SRGAP3: variants seen among roughly 807,000 people sequenced by gnomAD.
The protein encoded by SRGAP3 is SLIT-ROBO Rho GTPase-activating protein 3.
In SRGAP3, 39 loss-of-function variants were observed where a neutral mutation model predicts 121.1. The ratio of observed to expected loss-of-function variants is 0.32; its 90% CI spans 0.25 to 0.42. SRGAP3 has a LOEUF of 0.42. SRGAP3 is among the 10% of genes least tolerant of loss of function. SRGAP3 has a pLI of 1.00. For synonymous variants in SRGAP3, 601 were observed against 570.0 expected (o/e 1.05, Z -0.77); for missense variants, 1,213 against 1,470.6 (o/e 0.82, Z 2.86).
chr3:9,164,510 G>A (rs1450826129), intron 1 of SRGAP3, among the ~76,000 whole-genome samples: 1 of 151,806 alleles, frequency 6.6e-6, no homozygotes, highest in Non-Finnish European at 1.5e-5. Context: ...GGCTGGTCTC[G>A]AACTCCTGAC....
intron 14 of SRGAP3, among the ~76,000 whole-genome samples, chr3:9,022,923 G>A (rs1943997562): frequency 6.6e-6 from 1 of 152,212 alleles, no homozygotes; most frequent in African/African-American, 2.4e-5. Flanking sequence ...GGCAACCCAA[G>A]GCTTGTTAGG....
In SRGAP3 at chr3:9,240,795, G is replaced by A. The variant is rs191079781; in HGVS notation, c.67+8090C>T. ...GGTGGTGGACTGGGCTGGCTGGTGAGAGGTAGCTCTGGCAGCCTGCATCAC... is the reference window on the plus strand; with the variant it reads ...GGTGGTGGACTGGGCTGGCTGGTGAAAGGTAGCTCTGGCAGCCTGCATCAC... On this transcript the variant is annotated intron_variant, in intron 1 of 21. Transcript: ENST00000383836. Among the ~76,000 whole-genome samples, 178 of 152,330 alleles carry A rather than the reference G, an allele frequency of 1.2e-3. 1 individual carries two copies. Among genetic ancestry groups the A allele is most frequent in the African/African-American group, 3.8e-3 (156 of 41,576 alleles).
chr3:9,046,157 A>G (rs970805343), intron 10 of SRGAP3, among the ~76,000 whole-genome samples: 8 of 150,602 alleles, frequency 5.3e-5, no homozygotes, highest in Non-Finnish European at 1.2e-4. Flanking sequence ...TCTACCCCCA[A>G]GTATAACCAC....
At chr3:9,251,433 G>A (rs1308127082), upstream of SRGAP3, among the ~76,000 whole-genome samples, 1 of 152,154 alleles carries the variant, frequency 6.6e-6, no homozygotes, top group East Asian at 1.9e-4. Context: ...CACGTTACCT[G>A]AGAAAGATGG....
chr3:9,317,053 G>A (rs568591963), intron 3 of SRGAP3, among the ~76,000 whole-genome samples: 4 of 152,236 alleles, frequency 2.6e-5, no homozygotes, highest in East Asian at 3.9e-4. Context: ...CAAGTGGACC[G>A]CAACAGGGCA....
At chr3:9,091,977 C>T (rs904274256) in intron 3 of SRGAP3, among the ~76,000 whole-genome samples, 2 of 152,114 alleles carry the variant, frequency 1.3e-5, no homozygotes, top group Admixed American at 6.5e-5. Flanking sequence ...CCTACTGTTG[C>T]CAGGGCTGGT....
chr3:9,187,496 C>G (rs1040170314), intron 1 of SRGAP3, among the ~76,000 whole-genome samples: 6 of 152,178 alleles, frequency 3.9e-5, no homozygotes, highest in Admixed American at 2.0e-4. Context: ...ACAGTCTTCA[C>G]CAACCTCCTA....
chr3:9,046,836 C>CTT lies in SRGAP3; in HGVS notation c.1408+553_1408+554dup, dbSNP rs71049765. On this transcript the variant is annotated intron_variant, in intron 10 of 21. Coordinates refer to ENST00000383836, the MANE Select transcript of SRGAP3 (RefSeq NM_014850.4). ...GTTGGCCTCTATTTTCTTTTCTTTT[C>CTT]TTTTTTTTTTTGGAGATGGAGTCTC... is the stretch of plus-strand genomic sequence containing the variant. Among the ~76,000 whole-genome samples the CTT allele has an allele frequency of 2.8e-3, 405 of 146,366 alleles. 3 individuals carry two copies. Among genetic ancestry groups the CTT allele is most frequent in the Middle Eastern group, 7.0e-3 (2 of 284 alleles).
chr3:9,127,740 C>A (rs564561725), intron 1 of SRGAP3, among the ~76,000 whole-genome samples: 2 of 152,250 alleles, frequency 1.3e-5, no homozygotes, highest in East Asian at 1.9e-4. Flanking sequence ...AGCCACTGCA[C>A]CCGGCCTAGT....
chr3:9,242,189 T>A (rs1232480553), intron 1 of SRGAP3, among the ~76,000 whole-genome samples: 1 of 151,534 alleles, frequency 6.6e-6, no homozygotes, highest in Non-Finnish European at 1.5e-5. Context: ...GGCAGCTGTC[T>A]ACAAGCCAGG....
intron 1 of SRGAP3, among the ~76,000 whole-genome samples, chr3:9,161,989 C>T (rs1950614163): frequency 6.6e-6 from 1 of 152,202 alleles, no homozygotes; most frequent in African/African-American, 2.4e-5. Context: ...CTTCATCCTT[C>T]AGAGACAGGA....
upstream of SRGAP3, among the ~76,000 whole-genome samples, chr3:9,252,443 GC>G (rs1954039170): frequency 6.6e-6 from 1 of 151,542 alleles, no homozygotes; most frequent in South Asian, 2.1e-4. Flanking sequence ...TAATTACCCA[GC>G]CCCAGGTATT....
chr3:9,022,554 G>A (rs1304624370), intron 14 of SRGAP3, among the ~76,000 whole-genome samples: 1 of 152,172 alleles, frequency 6.6e-6, no homozygotes, highest in Admixed American at 6.5e-5. Flanking sequence ...GGGGAGGGGT[G>A]GGAGGAAGCG....
At chr3:9,287,510 A>G (rs1033299670) in intron 3 of SRGAP3, among the ~76,000 whole-genome samples, 1 of 152,182 alleles carries the variant, frequency 6.6e-6, no homozygotes, top group Non-Finnish European at 1.5e-5. Flanking sequence ...AAGATATTTT[A>G]GTGGTTTCTC....
At chr3:9,182,927 G>A (rs571125935) in intron 1 of SRGAP3, among the ~76,000 whole-genome samples, 1 of 152,098 alleles carries the variant, frequency 6.6e-6, no homozygotes, top group East Asian at 1.9e-4. Context: ...CAAAGTGCTG[G>A]GAGTACAGGC....
chr3:9,015,862 A>G, intron 14 of SRGAP3, 131 bp from the exon 15 acceptor site: 1 of 991,544 alleles, frequency 1.0e-6, no homozygotes, highest in Non-Finnish European at 1.6e-6. Flanking sequence ...TCCCCCACAT[A>G]TGAGGCCCCC....
At chr3:9,136,427 C>T (rs1270828667) in intron 1 of SRGAP3, among the ~76,000 whole-genome samples, 2 of 151,882 alleles carry the variant, frequency 1.3e-5, no homozygotes, top group East Asian at 3.9e-4. Context: ...CGCCCCGCCC[C>T]GCGCGCCACG....
Position 8,985,397 on chromosome 3 carries a change from C to G in SRGAP3, c.*122G>C, listed in dbSNP as rs893039996. 2.9e-5 allele frequency: 43 copies of G among 1,498,446 alleles called. No individual in the cohort carries two copies. Among genetic ancestry groups the G allele is most frequent in the Non-Finnish European group, 3.4e-5 (38 of 1,129,862 alleles). 92.8% of individuals were successfully genotyped at this position (1,498,446 alleles called of 1,614,324 possible). Reference sequence around the variant, plus strand: ...GGGCCTCAGCTCTGCACAGACACACCCTCCCAGACGGACCTCTGCCCTCCA... The same window carrying G: ...GGGCCTCAGCTCTGCACAGACACACGCTCCCAGACGGACCTCTGCCCTCCA... On this transcript the variant is annotated 3_prime_UTR_variant, in exon 22 of 22. Coordinates refer to ENST00000383836, the MANE Select transcript of SRGAP3 (RefSeq NM_014850.4). This position sits in a 1 kb window ranked among gnomAD's most constrained non-coding sequence, Gnocchi z 5.1.
intron 1 of SRGAP3, among the ~76,000 whole-genome samples, chr3:9,222,697 G>T (rs1952854034): frequency 1.3e-5 from 2 of 152,128 alleles, no homozygotes; most frequent in South Asian, 4.1e-4. Context: ...AACCACATTT[G>T]TGTTTCCTAA....
Sources: allele counts gnomAD v4.1 joint callset (sites outside exome capture counted in the v4.1 genomes callset), GRCh38; gene constraint gnomAD v4.1.1; non-coding constraint Gnocchi (gnomAD v3.1); transcripts MANE v1.5; gene names NCBI Gene and HGNC (gene_info 2026-07-23, HGNC 2026-07-21).